The following ZBTB7B variants were observed in gnomAD, a reference collection of about 807,000 sequenced individuals.
ZBTB7B encodes the protein zinc finger and BTB domain-containing protein 7B.
A neutral mutation model predicts 31.0 loss-of-function variants in ZBTB7B; 8 were observed. The observed-to-expected ratio is 0.26, with a 90% CI of 0.15 to 0.47. The LOEUF (loss-of-function observed/expected upper bound fraction) is 0.47, where lower values mean the gene tolerates loss of function less well. Ranked by LOEUF, ZBTB7B falls within the 20% of genes least tolerant of loss-of-function variation. The probability of loss-of-function intolerance (pLI) is 0.99; values close to 1 mark genes in which losing one functional copy is unlikely to be tolerated. For missense variants in ZBTB7B, 494 were observed against 742.4 expected (o/e 0.67, Z 3.89); for synonymous variants, 261 against 307.3 (o/e 0.85, Z 1.58).
chr1:155,001,805 G>T (rs959835844), upstream of ZBTB7B, among the ~76,000 whole-genome samples: 1 of 151,712 alleles, frequency 6.6e-6, no homozygotes. This position sits in a 1 kb window ranked among gnomAD's most constrained non-coding sequence, Gnocchi z 4.8. Context: ...CGTCACGCGT[G>T]GGGAGGGACG....
In ZBTB7B at chr1:155,014,906, G is replaced by A; in HGVS notation, c.246G>A (p.Gly82=). 6.2e-7 allele frequency: 1 copy of A among 1,613,976 alleles called. No individual in the cohort carries two copies. The highest frequency in any genetic ancestry group is 1.1e-5 in the South Asian group (1 of 91,078). Residue 82 remains glycine (G), a synonymous_variant, in exon 2 of 3, where the codon GGG becomes GGA. Coordinates refer to ENST00000535420, the MANE Select transcript of ZBTB7B (RefSeq NM_001256455.2). The part of the protein sequence containing the change: ...MGAGGSGTAT[G]GAGAGVCELD... ...CCGGGGGTAGCGGGACGGCCACTGG[G>A]GGAGCAGGGGCCGGTGTGTGTGAGC... is the stretch of plus-strand genomic sequence containing the variant.
chr1:155,002,413 G>A (rs1225948830), upstream of ZBTB7B, among the ~76,000 whole-genome samples: 1 of 148,950 alleles, frequency 6.7e-6, no homozygotes, highest in Non-Finnish European at 1.5e-5. Context: ...GGTGGGAAAG[G>A]CTAGGAGAGC....
chr1:155,014,452 C>G (rs1487534160), intron 1 of ZBTB7B: 1 of 604,206 alleles, frequency 1.7e-6, no homozygotes, highest in African/African-American at 1.9e-5. Flanking sequence ...ATCACTTCAC[C>G]TGTCTGAACC....
intron 1 of ZBTB7B, among the ~76,000 whole-genome samples, chr1:155,008,789 G>T (rs1044481038): frequency 6.6e-6 from 1 of 152,168 alleles, no homozygotes; most frequent in Non-Finnish European, 1.5e-5. Context: ...CAAGCTGGGG[G>T]GAGGGGGGAC....
intron 1 of ZBTB7B, among the ~76,000 whole-genome samples, chr1:155,008,143 C>T (rs541464349): frequency 1.5e-3 from 221 of 152,146 alleles, no homozygotes; most frequent in African/African-American, 5.2e-3. Context: ...CTTCCTCTTT[C>T]GGTGCCCACA....
intron 1 of ZBTB7B, 106 bp from the exon 2 acceptor site, chr1:155,014,539 CAGAAGGGTGA>C: frequency 1.1e-6 from 1 of 879,562 alleles, no homozygotes; most frequent in Non-Finnish European, 1.8e-6. Flanking sequence ...GTAAAGTACT[CAGAAGGGTGA>C]CTGGCATGCA....
chr1:155,008,144 G>A (rs904295349), intron 1 of ZBTB7B, among the ~76,000 whole-genome samples: 12 of 151,918 alleles, frequency 7.9e-5, no homozygotes, highest in Non-Finnish European at 1.6e-4. Flanking sequence ...TTCCTCTTTC[G>A]GTGCCCACAG....
intron 1 of ZBTB7B, chr1:155,011,099 G>A (rs1487601838): frequency 8.1e-7 from 1 of 1,241,162 alleles, no homozygotes; most frequent in Non-Finnish European, 1.1e-6. Context: ...GCTAATCCTG[G>A]TTCCGCCTGC....
chr1:155,011,550 T>TG (rs1324380500), intron 1 of ZBTB7B, among the ~76,000 whole-genome samples: 5 of 150,844 alleles, frequency 3.3e-5, no homozygotes, highest in Admixed American at 6.6e-5. Context: ...GAGGGGAGCC[T>TG]GGGGGGGTGG....
At chr1:155,008,792 G>C (rs1196028543) in intron 1 of ZBTB7B, among the ~76,000 whole-genome samples, 1 of 152,038 alleles carries the variant, frequency 6.6e-6, no homozygotes, top group Non-Finnish European at 1.5e-5. Flanking sequence ...GCTGGGGGGA[G>C]GGGGGACAGC....
chr1:155,002,238 T>C (rs1457370215), upstream of ZBTB7B, among the ~76,000 whole-genome samples: 2 of 148,716 alleles, frequency 1.3e-5, no homozygotes, highest in South Asian at 2.2e-4. Context: ...GGCGGTGGCG[T>C]GCAGGGGGCG....
chr1:155,009,596 TC>T (rs891490009), intron 1 of ZBTB7B, among the ~76,000 whole-genome samples: 4 of 151,624 alleles, frequency 2.6e-5, no homozygotes, highest in African/African-American at 7.3e-5. Flanking sequence ...GCACAGGTTG[TC>T]CCCCCACCCC....
chr1:155,008,727 A>G (rs1658726304), intron 1 of ZBTB7B, among the ~76,000 whole-genome samples: 1 of 152,170 alleles, frequency 6.6e-6, no homozygotes, highest in Non-Finnish European at 1.5e-5. Flanking sequence ...CACCACAGGC[A>G]GAGACTCTGG....
At chr1:155,002,332 A>G (rs1212156872), upstream of ZBTB7B, among the ~76,000 whole-genome samples, 3 of 135,996 alleles carry the variant, frequency 2.2e-5, no homozygotes, top group Admixed American at 1.5e-4. Context: ...GGCAGGAGAA[A>G]GGGGGGGGAG....
intron 1 of ZBTB7B, 194 bp from the exon 2 acceptor site, chr1:155,014,461 C>A: frequency 3.2e-6 from 2 of 617,344 alleles, no homozygotes. Context: ...CCTGTCTGAA[C>A]CTCAGTTTCC....
At chr1:155,015,885 AAGTT>A (rs1220751854) in intron 2 of ZBTB7B, 71 bp downstream of exon 2, 1 of 1,542,144 alleles carries the variant, frequency 6.5e-7, no homozygotes, top group Non-Finnish European at 8.8e-7. Flanking sequence ...GATGGGGAAG[AAGTT>A]AGGAGACCCG....
rs1006867931 is a variant in ZBTB7B, at chr1:155,015,369, G to C, written c.709G>C (p.Glu237Gln). ...CCATCCCTTGACCTATGAGGAGGAG[G>C]AGGTGGCGGGCAGAGTGGGCAGCAG... The part of the protein sequence containing the change: ...PAHPLTYEEE[E>Q]VAGRVGSSGG... The change falls in exon 2 of 3, where the codon GAG becomes CAG. Residue 237 changes from glutamate to glutamine, a missense_variant. Glu to Gln is a conservative substitution (Grantham distance 29). Around this residue, in one of 5 missense-constraint regions of ZBTB7B, gnomAD observed 216 missense variants for 229.3 expected, o/e 0.94. Transcript: ENST00000535420. 7.0e-6 allele frequency: 11 copies of C among 1,575,346 alleles called. No individual in the cohort carries two copies. The highest frequency in any genetic ancestry group is 7.8e-6 in the Non-Finnish European group (9 of 1,157,022).
intron 1 of ZBTB7B, among the ~76,000 whole-genome samples, chr1:155,013,542 C>T (rs1003432248): frequency 2.0e-5 from 3 of 152,252 alleles, no homozygotes; most frequent in East Asian, 1.9e-4. Context: ...CAACCCCTGC[C>T]GACACCTCTG....
Position 155,015,831 on chromosome 1 carries a change from G to C in ZBTB7B, c.1154+17G>C, listed in dbSNP as rs1332431234. The C allele has an allele frequency of 6.9e-6, 11 of 1,603,030 alleles. No homozygotes were observed. The highest frequency in any genetic ancestry group is 9.4e-6 in the Non-Finnish European group (11 of 1,173,456). ...ATTCACCAGGTGAGCAGCAAGGGGG[G>C]AAGGGCCCGGCAGGGGCCATGGGTA... On this transcript the variant is annotated intron_variant, in intron 2 of 2. Transcript: ENST00000535420.
Sources: allele counts gnomAD v4.1 joint callset (sites outside exome capture counted in the v4.1 genomes callset), GRCh38; gene constraint gnomAD v4.1.1; regional missense constraint gnomAD v4.1.1; non-coding constraint Gnocchi (gnomAD v3.1); transcripts MANE v1.5; gene names NCBI Gene and HGNC (gene_info 2026-07-23, HGNC 2026-07-21).